Variants in WWOX observed in about 807,000 individuals in gnomAD.
WWOX encodes WW domain containing oxidoreductase, also known as WW domain-containing oxidoreductase.
A neutral mutation model predicts 46.2 loss-of-function variants in WWOX; 69 were observed. That is an observed-to-expected ratio of 1.49 (90% CI 1.23 to 1.82). The LOEUF is 1.82. Among genes scored for constraint, WWOX ranks in the 40% most tolerant of loss-of-function variants. The pLI is 0.00. For synonymous variants in WWOX, 359 were observed against 202.6 expected (o/e 1.77, Z -6.56); for missense variants, 919 against 542.6 (o/e 1.69, Z -6.89).
chr16:78,521,201 C>G (rs1428001332), intron 8 of WWOX, among the ~76,000 whole-genome samples: 2 of 152,130 alleles, frequency 1.3e-5, no homozygotes, highest in Non-Finnish European at 2.9e-5. Context: ...ATCTTCTTGG[C>G]TCTTTGATAT....
chr16:79,034,275 C>G (rs1033018395), intron 8 of WWOX, among the ~76,000 whole-genome samples: 3 of 152,228 alleles, frequency 2.0e-5, no homozygotes, highest in African/African-American at 4.8e-5. Context: ...AAGGCACTCT[C>G]TATAAATGAA....
chr16:78,172,244 G>C (rs1262557769), intron 5 of WWOX, among the ~76,000 whole-genome samples: 2 of 152,170 alleles, frequency 1.3e-5, no homozygotes, highest in Non-Finnish European at 2.9e-5. Context: ...TGTAATCTGA[G>C]GGAGTTGATG....
At chr16:78,503,169 C>G (rs1232838712) in intron 8 of WWOX, among the ~76,000 whole-genome samples, 2 of 152,188 alleles carry the variant, frequency 1.3e-5, no homozygotes, top group Non-Finnish European at 2.9e-5. Context: ...CTATTTATGT[C>G]TGACCCCAGG....
intron 3 of WWOX, among the ~76,000 whole-genome samples, chr16:78,113,892 AC>A (rs1412362433): frequency 6.6e-6 from 1 of 152,126 alleles, no homozygotes; most frequent in African/African-American, 2.4e-5. Flanking sequence ...GAGTCTTGGT[AC>A]TTATAGGGAG....
intron 5 of WWOX, among the ~76,000 whole-genome samples, chr16:78,284,148 T>C (rs1330891254): frequency 6.6e-6 from 1 of 152,194 alleles, no homozygotes; most frequent in African/African-American, 2.4e-5. Flanking sequence ...TGGTGTACTT[T>C]GTAGGGTCAC....
At chr16:78,892,820 GC>G (rs2044620180) in intron 8 of WWOX, among the ~76,000 whole-genome samples, 2 of 152,176 alleles carry the variant, frequency 1.3e-5, no homozygotes, top group Non-Finnish European at 2.9e-5. Flanking sequence ...TAGGCCAAGG[GC>G]TGCTGATCCA....
At chr16:78,522,550 G>T (rs2043372131) in intron 8 of WWOX, among the ~76,000 whole-genome samples, 1 of 151,890 alleles carries the variant, frequency 6.6e-6, no homozygotes, top group Non-Finnish European at 1.5e-5. Context: ...TTGACTCCCT[G>T]TATTACCATT....
chr16:79,168,905 C>A (rs1006525759), intron 8 of WWOX, among the ~76,000 whole-genome samples: 1 of 152,200 alleles, frequency 6.6e-6, no homozygotes, highest in Non-Finnish European at 1.5e-5. Flanking sequence ...TGGGAAAAAT[C>A]CCTTTAGAAA....
Position 78,739,684 on chromosome 16 carries a change from G to A in WWOX, c.1056+306932G>A, listed in dbSNP as rs574861508. 1.2e-4 allele frequency among the ~76,000 whole-genome samples: 18 copies of A among 152,230 alleles called. No homozygotes were observed. The East Asian group carries it at 3.3e-3, about 28-fold the overall frequency. ...AAATTAGCTTGGCTTCCTGGTGCAT[G>A]CCTGTAATCCCAGCTACTGCAGAGG... On this transcript the variant is annotated intron_variant, in intron 8 of 8. Transcript: ENST00000566780.
intron 5 of WWOX, among the ~76,000 whole-genome samples, chr16:78,338,357 C>A (rs567350340): frequency 8.2e-6 from 1 of 121,346 alleles, no homozygotes; most frequent in African/African-American, 2.8e-5. Flanking sequence ...TCTGTAGAGA[C>A]AAAATTGTTG....
chr16:78,488,107 A>C (rs916794912), intron 8 of WWOX, among the ~76,000 whole-genome samples: 1 of 152,126 alleles, frequency 6.6e-6, no homozygotes, highest in Non-Finnish European at 1.5e-5. Flanking sequence ...GAGGGATCTC[A>C]CAGGAAACTT....
chr16:78,931,809 C>T (rs1315222958), intron 8 of WWOX, among the ~76,000 whole-genome samples: 1 of 152,182 alleles, frequency 6.6e-6, no homozygotes, highest in Non-Finnish European at 1.5e-5. Flanking sequence ...ACCCAAGTCT[C>T]ATCTTGAACT....
intron 8 of WWOX, among the ~76,000 whole-genome samples, chr16:78,572,176 C>A (rs1332927234): frequency 6.6e-6 from 1 of 152,138 alleles, no homozygotes; most frequent in Non-Finnish European, 1.5e-5. Flanking sequence ...CCTCCAAAAG[C>A]CGTCTACAAT....
At chr16:78,975,787 A>C (rs1386483992) in intron 8 of WWOX, among the ~76,000 whole-genome samples, 1 of 152,120 alleles carries the variant, frequency 6.6e-6, no homozygotes, top group Non-Finnish European at 1.5e-5. Context: ...AGCCTTTCAG[A>C]CAATTCTGCC....
At chr16:79,006,973 T>C (rs34982954) in intron 8 of WWOX, among the ~76,000 whole-genome samples, 54,292 of 152,090 alleles carry the variant, frequency 0.36, 11,488 homozygotes, top group Non-Finnish European at 0.48. Context: ...ACCCACAATC[T>C]TCATTTCCCT....
chr16:78,831,915 T>C (rs73577467), intron 8 of WWOX, among the ~76,000 whole-genome samples: 107 of 152,294 alleles, frequency 7.0e-4, no homozygotes, highest in African/African-American at 2.4e-3. Flanking sequence ...TTTTCTCAAA[T>C]ACCCTTCCTC....
chr16:79,027,313 G>C (rs572925196), intron 8 of WWOX, among the ~76,000 whole-genome samples: 2 of 150,964 alleles, frequency 1.3e-5, no homozygotes, highest in East Asian at 2.0e-4. Context: ...TGGTGGAGTG[G>C]TGACATTTGG....
At chr16:79,043,297 T>TG (rs200915153) in intron 8 of WWOX, among the ~76,000 whole-genome samples, 1 of 142,386 alleles carries the variant, frequency 7.0e-6, no homozygotes, top group Non-Finnish European at 1.5e-5. Flanking sequence ...TGAATAGAGG[T>TG]GGTGGCATGG....
intron 8 of WWOX, among the ~76,000 whole-genome samples, chr16:78,770,222 G>C (rs1335728049): frequency 6.6e-6 from 1 of 152,004 alleles, no homozygotes; most frequent in East Asian, 1.9e-4. Flanking sequence ...TTGGTGGTGT[G>C]CTCCTGTAGT....
Sources: gnomAD v4.1 joint callset for allele counts (sites outside exome capture counted in the v4.1 genomes callset) on GRCh38, gnomAD v4.1.1 for gene constraint, MANE v1.5 for transcripts, NCBI Gene and HGNC (gene_info 2026-07-23, HGNC 2026-07-21) for gene names.